The following LSP1 variants were observed in gnomAD, a reference collection of about 807,000 sequenced individuals.
LSP1 encodes lymphocyte specific protein 1.
In LSP1, 32 loss-of-function variants were observed where a neutral mutation model predicts 49.3. That is an observed-to-expected ratio of 0.65 (90% CI 0.49 to 0.87). The LOEUF is 0.87. LSP1 is among the 40% of genes least tolerant of loss of function. LSP1 has a pLI of 0.00. For missense variants in LSP1, 428 were observed against 442.6 expected (o/e 0.97, Z 0.30); for synonymous variants, 179 against 178.8 (o/e 1.00, Z -0.01).
intron 1 of LSP1, among the ~76,000 whole-genome samples, chr11:1,874,003 A>G (rs1161375147): frequency 6.3e-4 from 74 of 118,032 alleles, no homozygotes; most frequent in Non-Finnish European, 9.1e-4. Flanking sequence ...GGAGGCTGGC[A>G]GAGCAGGGAG....
At chr11:1,870,565 G>C in intron 1 of LSP1, 1 of 1,150,514 alleles carries the variant, frequency 8.7e-7, no homozygotes, top group South Asian at 1.9e-5. Flanking sequence ...TGGGTGCTAC[G>C]GTAGGAAGAT....
At chr11:1,879,257 A>C (rs1848438054) in intron 1 of LSP1, among the ~76,000 whole-genome samples, 1 of 152,340 alleles carries the variant, frequency 6.6e-6, no homozygotes, top group East Asian at 1.9e-4. Context: ...AGGCAGGAGA[A>C]TCGCTTGAAC....
At chr11:1,875,964 G>T (rs1370265820) in intron 1 of LSP1, among the ~76,000 whole-genome samples, 1 of 152,242 alleles carries the variant, frequency 6.6e-6, no homozygotes, top group Non-Finnish European at 1.5e-5. Flanking sequence ...CCTCCCTGGG[G>T]CAGGACCCCT....
chr11:1,879,966 C>G (rs1589825292), intron 1 of LSP1, 121 bp from the exon 2 acceptor site: 3 of 1,253,722 alleles, frequency 2.4e-6, no homozygotes, highest in Non-Finnish European at 2.2e-6. Context: ...TGGGACTGAC[C>G]TCGTGGACAG....
intron 1 of LSP1, among the ~76,000 whole-genome samples, chr11:1,856,774 C>T (rs566630707): frequency 6.6e-6 from 1 of 152,348 alleles, no homozygotes; most frequent in South Asian, 2.1e-4. Context: ...GCAGCCCTCC[C>T]GCCCACCTGC....
At chr11:1,874,875 C>A (rs571835677) in intron 1 of LSP1, among the ~76,000 whole-genome samples, 2 of 152,274 alleles carry the variant, frequency 1.3e-5, no homozygotes, top group South Asian at 2.1e-4. Flanking sequence ...CCCTTGGTTA[C>A]AAAGGGCTGC....
chr11:1,882,724 T>A (rs1188784642), intron 3 of LSP1, among the ~76,000 whole-genome samples: 1 of 152,216 alleles, frequency 6.6e-6, no homozygotes, highest in Non-Finnish European at 1.5e-5. Context: ...CCCCTCTGTG[T>A]GGCTGCTGCT....
At chr11:1,856,140 C>G (rs1847484347) in intron 1 of LSP1, among the ~76,000 whole-genome samples, 2 of 152,208 alleles carry the variant, frequency 1.3e-5, no homozygotes, top group Non-Finnish European at 2.9e-5. Context: ...GCCACCCTGT[C>G]CCACAGACAC....
chr11:1,859,549 T>C (rs1490239551), intron 1 of LSP1: 1 of 154,554 alleles, frequency 6.5e-6, no homozygotes, highest in Non-Finnish European at 1.5e-5. Context: ...AGAAAAGCAA[T>C]GGGACTTGGG....
chr11:1,869,805 G>GA (rs61278563), intron 1 of LSP1: 468,347 of 468,354 alleles, frequency 1, 234,170 homozygotes, highest in Middle Eastern at 1. Flanking sequence ...GGGCGTGGGG[G>GA]GGGCTGGTTT....
At chr11:1,854,828 G>T (rs909741632) in intron 1 of LSP1, among the ~76,000 whole-genome samples, 7 of 152,194 alleles carry the variant, frequency 4.6e-5, no homozygotes, top group Admixed American at 1.3e-4. Context: ...CCCATAGAAG[G>T]GCAGGACATG....
chr11:1,865,411 G>T (rs2133067718), intron 1 of LSP1: 2 of 184,964 alleles, frequency 1.1e-5, no homozygotes, highest in East Asian at 3.8e-4. Flanking sequence ...CAGGCTGGTT[G>T]CGTGTACATG....
chr11:1,885,931 A>C lies in LSP1; in HGVS notation c.718-801A>C, dbSNP rs188543824. On this transcript the variant is annotated intron_variant, in intron 7 of 10. Transcript: ENST00000311604. ...TCCTCCATCCAACCAGTACTCCTCCATGCAATCAATGTTCCTCTATCCAAC... is the reference window on the plus strand; with the variant it reads ...TCCTCCATCCAACCAGTACTCCTCCCTGCAATCAATGTTCCTCTATCCAAC... Among the ~76,000 whole-genome samples, 40 of 152,214 alleles carry C rather than the reference A, an allele frequency of 2.6e-4. 1 individual carries two copies. The highest frequency in any genetic ancestry group is 2.1e-3 in the Admixed American group (32 of 15,292).
intron 1 of LSP1, among the ~76,000 whole-genome samples, chr11:1,867,465 C>T (rs1775294190): frequency 6.6e-6 from 1 of 152,060 alleles, no homozygotes; most frequent in African/African-American, 2.4e-5. Context: ...AGTCCCAGCC[C>T]TGCAGGCCAG....
At chr11:1,874,762 C>G (rs1848237260) in intron 1 of LSP1, among the ~76,000 whole-genome samples, 1 of 152,134 alleles carries the variant, frequency 6.6e-6, no homozygotes, top group Non-Finnish European at 1.5e-5. Context: ...AGTGGAGGCT[C>G]CTTGGCTTTG....
At position 1,881,612 on chromosome 11, in the gene LSP1, G is replaced by C. The variant is rs1191847320; in HGVS notation, c.356+16G>C. ...AAGAGGACAGGTGAGTGAGGGCCTC[G>C]AGGGCGGGCGCTGGGCAGAGCAGGG... On this transcript the variant is annotated intron_variant, in intron 3 of 10. Coordinates refer to ENST00000311604, the MANE Select transcript of LSP1 (RefSeq NM_002339.3). 6.1e-6 allele frequency: 9 copies of C among 1,463,872 alleles called. No individual in the cohort carries two copies. In the Admixed American group the frequency reaches 7.3e-5, roughly 12 times the overall value. 90.7% of individuals were successfully genotyped at this position (1,463,872 alleles called of 1,614,324 possible). A position where few individuals can be genotyped will look rare whatever the true frequency, so the allele number is the denominator to read the frequency against.
chr11:1,853,287 C>T (rs1847406634), intron 1 of LSP1, 90 bp downstream of exon 1: 26 of 1,403,836 alleles, frequency 1.9e-5, no homozygotes, highest in Non-Finnish European at 2.4e-5. Flanking sequence ...ACTGAGGTGC[C>T]TGATGGGGAA....
intron 3 of LSP1, among the ~76,000 whole-genome samples, chr11:1,882,482 G>A (rs970108762): frequency 1.3e-5 from 2 of 152,152 alleles, no homozygotes; most frequent in African/African-American, 2.4e-5. Flanking sequence ...CTGGCCTGGC[G>A]CAGTGCCCAC....
intron 1 of LSP1, among the ~76,000 whole-genome samples, chr11:1,854,929 G>C (rs894681586): frequency 1.3e-5 from 2 of 152,156 alleles, no homozygotes; most frequent in Non-Finnish European, 2.9e-5. Flanking sequence ...GATCCCCCGG[G>C]CCAGGAGCGG....
Sources: gnomAD v4.1 joint callset for allele counts (sites outside exome capture counted in the v4.1 genomes callset) on GRCh38, gnomAD v4.1.1 for gene constraint, MANE v1.5 for transcripts, NCBI Gene and HGNC (gene_info 2026-07-23, HGNC 2026-07-21) for gene names.